Variants in SORCS3 observed in about 807,000 individuals in gnomAD.
SORCS3 encodes VPS10 domain-containing receptor SorCS3.
In SORCS3, 57 loss-of-function variants were observed where a neutral mutation model predicts 146.3. The observed-to-expected ratio is 0.39, with a 90% CI of 0.31 to 0.49. The LOEUF (loss-of-function observed/expected upper bound fraction) is 0.49. SORCS3 is among the 20% of genes least tolerant of loss of function. The pLI, the probability that SORCS3 is intolerant of heterozygous loss-of-function variation, is 0.92. For synonymous variants in SORCS3, 653 were observed against 618.5 expected (o/e 1.06, Z -0.83); for missense variants, 1,341 against 1,575.5 (o/e 0.85, Z 2.52).
intron 6 of SORCS3, among the ~76,000 whole-genome samples, chr10:105,102,312 ATG>A (rs1426974768): frequency 6.6e-6 from 1 of 152,226 alleles, no homozygotes; most frequent in Non-Finnish European, 1.5e-5. Context: ...GATAAATAAA[ATG>A]TAGTACATAT....
At position 104,723,244 on chromosome 10, in the gene SORCS3, G is replaced by T. The variant is rs563476843; in HGVS notation, c.627+81290G>T. On this transcript the variant is annotated intron_variant, in intron 1 of 26. Coordinates refer to ENST00000369701, the MANE Select transcript of SORCS3 (RefSeq NM_014978.3). ...CCTTCATTTCATTATGTACCCAGTA[G>T]TCATTCAGGAGCAGGTTGTTCAGTT... is the stretch of plus-strand genomic sequence containing the variant. Among the ~76,000 whole-genome samples the T allele has an allele frequency of 1.4e-3, 216 of 152,326 alleles. 2 individuals are homozygous for T. Among genetic ancestry groups the T allele is most frequent in the African/African-American group, 4.7e-3 (194 of 41,562 alleles).
chr10:105,051,870 A>G (rs2055415811), intron 5 of SORCS3, among the ~76,000 whole-genome samples: 1 of 152,150 alleles, frequency 6.6e-6, no homozygotes, highest in African/African-American at 2.4e-5. Flanking sequence ...AAAATAATAC[A>G]TGCAAGGTCA....
rs982150956 is a variant in SORCS3 at position 105,262,466 on chromosome 10, C to T, written c.3579C>T (p.Asp1193=). The T allele has an allele frequency of 4.3e-6, 7 of 1,613,934 alleles. No individual in the cohort carries two copies. Among genetic ancestry groups the T allele is most frequent in the Non-Finnish European group, 5.9e-6 (7 of 1,179,914 alleles). ...TTACGGAGCCTGAGGAGCTGCTGGA[C>T]AAAGAGCTGGACACGCGGGTCATAG... ...SDFTEPEELL[D]KELDTRVIGG... is the part of the protein sequence containing the mutation. The change falls in exon 26 of 27, where the codon GAC becomes GAT. Residue 1193 remains aspartate (D), a synonymous_variant. Coordinates refer to ENST00000369701, the MANE Select transcript of SORCS3 (RefSeq NM_014978.3).
chr10:105,073,577 T>C (rs1300409671), intron 5 of SORCS3, among the ~76,000 whole-genome samples: 1 of 152,146 alleles, frequency 6.6e-6, no homozygotes, highest in Non-Finnish European at 1.5e-5. Flanking sequence ...TAGTTGATTT[T>C]AGAGCACAGA....
At chr10:104,887,971 G>GGGGGGGGGGGGGGGGGGGGGGGGGTGC (rs145157471) in intron 2 of SORCS3, among the ~76,000 whole-genome samples, 1 of 83,034 alleles carries the variant, frequency 1.2e-5, no homozygotes, top group African/African-American at 5.5e-5. Flanking sequence ...GGGGGGCGGG[G>GGGGGGGGGGGGGGGGGGGGGGGGGTGC]GCGGAGCAAG....
intron 21 of SORCS3, among the ~76,000 whole-genome samples, chr10:105,246,025 C>T (rs1276166035): frequency 6.6e-6 from 1 of 152,178 alleles, no homozygotes; most frequent in African/African-American, 2.4e-5. Context: ...AGTCAGGAGT[C>T]ATGATCCCTG....
chr10:104,655,127 C>T (rs2015611230), intron 1 of SORCS3, among the ~76,000 whole-genome samples: 2 of 151,952 alleles, frequency 1.3e-5, no homozygotes, highest in Admixed American at 1.3e-4. Context: ...GTGGCACACA[C>T]CTGTAGTCCC....
intron 1 of SORCS3, among the ~76,000 whole-genome samples, chr10:104,752,392 A>G (rs947277785): frequency 1.2e-4 from 19 of 152,108 alleles, no homozygotes; most frequent in Non-Finnish European, 5.9e-5. Flanking sequence ...AGCATGGGAC[A>G]CTGCTTGGAT....
chr10:105,147,502 C>T lies in SORCS3; in HGVS notation c.1303-115C>T, dbSNP rs75893580. On this transcript the variant is annotated intron_variant, in intron 8 of 26. Transcript: ENST00000369701. ...TTCAACATGGAATTGTTTAACATTG[C>T]CTATAACTCAAGCTTTTTCTCAGCA... 1,859 of 825,950 alleles carry T rather than the reference C, an allele frequency of 2.3e-3. 21 individuals are homozygous for T. The African/African-American group carries it at 0.029, about 13-fold the overall frequency. The allele number at this position is 825,950 out of a possible 1,614,324, so 51.2% of individuals were successfully genotyped here.
intron 1 of SORCS3, among the ~76,000 whole-genome samples, chr10:104,645,970 G>C (rs2015490723): frequency 6.6e-6 from 1 of 152,072 alleles, no homozygotes; most frequent in African/African-American, 2.4e-5. Context: ...CTTTTTGGAG[G>C]CTTAATAAAG....
Position 105,163,360 on chromosome 10 carries a change from A to G in SORCS3, c.1733-943A>G, listed in dbSNP as rs79868837. The stretch of plus-strand genomic sequence containing the variant: ...CTGCTATTTTTAAAGAAAAAATATC[A>G]GCCAGTAAGATAAACTCTTACATGT... On this transcript the variant is annotated intron_variant, in intron 11 of 26. Coordinates refer to ENST00000369701, the MANE Select transcript of SORCS3 (RefSeq NM_014978.3). 4.9e-3 allele frequency among the ~76,000 whole-genome samples: 741 copies of G among 152,338 alleles called. 16 individuals carry two copies. The East Asian group carries it at 0.062, about 13-fold the overall frequency.
chr10:104,981,063 A>T (rs932902794), intron 4 of SORCS3, among the ~76,000 whole-genome samples: 1 of 152,098 alleles, frequency 6.6e-6, no homozygotes, highest in Admixed American at 6.6e-5. Context: ...CTTCCATTTG[A>T]CCTTGCTGGA....
chr10:104,661,331 A>G (rs2015697242), intron 1 of SORCS3, among the ~76,000 whole-genome samples: 1 of 152,102 alleles, frequency 6.6e-6, no homozygotes, highest in Non-Finnish European at 1.5e-5. Context: ...CTTGACAGCT[A>G]TGTTATTTAT....
chr10:105,136,208 C>G (rs1261778932), intron 7 of SORCS3, among the ~76,000 whole-genome samples: 1 of 152,172 alleles, frequency 6.6e-6, no homozygotes, highest in Non-Finnish European at 1.5e-5. Flanking sequence ...AAGTCCATGA[C>G]AAAGACCCCT....
rs371351364 is a variant in SORCS3, at chr10:105,082,997, C to T, written c.1029-6778C>T. Among the ~76,000 whole-genome samples, 9 of 152,180 alleles carry T rather than the reference C, an allele frequency of 5.9e-5. No individual in the cohort carries two copies. In the South Asian group the frequency reaches 1.9e-3, roughly 32 times the overall value. On this transcript the variant is annotated intron_variant, in intron 5 of 26. Transcript: ENST00000369701. ...CCCGCCTTGGCCTCCCAAAGTGCTC[C>T]CAAAGTGCTGGGATTACAGGCATGA... is the stretch of plus-strand genomic sequence containing the variant.
At chr10:104,959,010 A>T (rs1374343047) in intron 3 of SORCS3, among the ~76,000 whole-genome samples, 1 of 152,060 alleles carries the variant, frequency 6.6e-6, no homozygotes, top group African/African-American at 2.4e-5. Context: ...ACAATTTGAG[A>T]TGAGATTTGG....
intron 1 of SORCS3, among the ~76,000 whole-genome samples, chr10:104,721,420 G>A (rs888164144): frequency 1.1e-4 from 16 of 152,224 alleles, no homozygotes; most frequent in East Asian, 1.9e-4. Context: ...TGATGCGACC[G>A]GCTTTGTTCT....
At chr10:104,719,730 T>C (rs147578010) in intron 1 of SORCS3, among the ~76,000 whole-genome samples, 1,820 of 152,344 alleles carry the variant, frequency 0.012, 18 homozygotes, top group Non-Finnish European at 0.019. Context: ...TTAAGATCAT[T>C]GAAATCAGCT....
chr10:104,942,307 C>T (rs370703898), intron 3 of SORCS3, among the ~76,000 whole-genome samples: 9 of 152,106 alleles, frequency 5.9e-5, no homozygotes, highest in East Asian at 3.9e-4. Flanking sequence ...TGAAAGGAAT[C>T]GTAATTAAAT....
Sources: gnomAD v4.1 joint callset for allele counts (sites outside exome capture counted in the v4.1 genomes callset) on GRCh38, gnomAD v4.1.1 for gene constraint, MANE v1.5 for transcripts, NCBI Gene and HGNC (gene_info 2026-07-23, HGNC 2026-07-21) for gene names.